HMGA2: variants seen among roughly 807,000 people sequenced by gnomAD.
The protein encoded by HMGA2 is high mobility group AT-hook 2.
In HMGA2, 8 loss-of-function variants were observed where a neutral mutation model predicts 19.1. The observed-to-expected ratio is 0.42, with a 90% CI of 0.25 to 0.76. The LOEUF (loss-of-function observed/expected upper bound fraction) is 0.76, where lower values mean the gene tolerates loss of function less well. Ranked by LOEUF, HMGA2 falls within the 30% of genes least tolerant of loss-of-function variation. HMGA2 has a pLI of 0.28. For synonymous variants in HMGA2, 60 were observed against 48.8 expected (o/e 1.23, Z -0.96); for missense variants, 109 against 136.3 (o/e 0.80, Z 1.00).
chr12:65,869,426 C>T (rs1010184817), intron 3 of HMGA2, among the ~76,000 whole-genome samples: 1 of 152,114 alleles, frequency 6.6e-6, no homozygotes, highest in Non-Finnish European at 1.5e-5. Flanking sequence ...GACACCATAG[C>T]CCATGCTCCC....
intron 3 of HMGA2, among the ~76,000 whole-genome samples, chr12:65,920,096 C>G (rs1037404713): frequency 6.6e-6 from 1 of 152,142 alleles, no homozygotes; most frequent in Non-Finnish European, 1.5e-5. Flanking sequence ...TTTGAGTTTA[C>G]ATAGTAACTC....
chr12:65,939,995 T>G (rs11175973), intron 3 of HMGA2, among the ~76,000 whole-genome samples: 3,457 of 152,282 alleles, frequency 0.023, 86 homozygotes, highest in East Asian at 0.089. Context: ...TACATGAGAT[T>G]GTAAAGTCCA....
At chr12:65,952,162 G>C (rs1228803942) in intron 4 of HMGA2, 1 of 540,406 alleles carries the variant, frequency 1.9e-6, no homozygotes, top group East Asian at 2.9e-5. Context: ...AGAACGTCCT[G>C]CTGTTCTCTT....
intron 3 of HMGA2, among the ~76,000 whole-genome samples, chr12:65,939,142 G>A (rs1048806176): frequency 2.6e-5 from 4 of 152,122 alleles, no homozygotes; most frequent in African/African-American, 9.7e-5. Flanking sequence ...AACATAGTAG[G>A]GACTGAGTGA....
chr12:65,856,436 A>T (rs572647998), intron 3 of HMGA2: 1 of 152,258 alleles, frequency 6.6e-6, no homozygotes, highest in Non-Finnish European at 1.5e-5. Flanking sequence ...GACAAGAGCC[A>T]GGTTTCCTGA....
At position 65,848,341 on chromosome 12, in the gene HMGA2, T is replaced by C. The variant is rs551020414; in HGVS notation, c.249+9772T>C. Among the ~76,000 whole-genome samples, 8 of 152,344 alleles carry C rather than the reference T, an allele frequency of 5.3e-5. No homozygotes were observed. In the South Asian group the frequency reaches 6.2e-4, roughly 12 times the overall value. Reference sequence around the variant, plus strand: ...AATGGCCTATTTGTGTCCCATTTTCTTTCTGTTAATTTTTAGTACTAACAT... The same window carrying C: ...AATGGCCTATTTGTGTCCCATTTTCCTTCTGTTAATTTTTAGTACTAACAT... On this transcript the variant is annotated intron_variant, in intron 3 of 4. Coordinates refer to ENST00000403681, the MANE Select transcript of HMGA2 (RefSeq NM_003483.6).
At chr12:65,905,329 T>G (rs1874545700) in intron 3 of HMGA2, among the ~76,000 whole-genome samples, 1 of 152,200 alleles carries the variant, frequency 6.6e-6, no homozygotes, top group South Asian at 2.1e-4. Flanking sequence ...ATATTGTCTA[T>G]TTCTCATGCT....
intron 4 of HMGA2, 60 bp from the exon 5 acceptor site, chr12:65,963,185 A>G: frequency 6.6e-7 from 1 of 1,522,336 alleles, no homozygotes; most frequent in Non-Finnish European, 9.1e-7. Context: ...CACTGTTGGC[A>G]AGAGCAGCCC....
chr12:65,948,297 T>C (rs547932786), intron 3 of HMGA2: 5 of 152,330 alleles, frequency 3.3e-5, no homozygotes, highest in African/African-American at 4.8e-5. Flanking sequence ...ATATGTATCA[T>C]TGATGTTATT....
intron 3 of HMGA2, among the ~76,000 whole-genome samples, chr12:65,931,743 G>A (rs1402356303): frequency 2.0e-5 from 3 of 152,100 alleles, no homozygotes; most frequent in Admixed American, 2.0e-4. Flanking sequence ...CACAGTCAAT[G>A]CAGGACTGAA....
intron 3 of HMGA2, among the ~76,000 whole-genome samples, chr12:65,907,442 A>C (rs533608614): frequency 6.6e-6 from 1 of 150,652 alleles, no homozygotes; most frequent in African/African-American, 2.4e-5. Flanking sequence ...GGTGGGGGGT[A>C]AAGTGCTCTG....
At chr12:65,842,297 A>C in intron 3 of HMGA2, 1 of 595,556 alleles carries the variant, frequency 1.7e-6, no homozygotes, top group South Asian at 1.5e-5. Context: ...GAGATAATGC[A>C]TGCAAAGGGC....
chr12:65,895,717 T>A (rs952322949), intron 3 of HMGA2, among the ~76,000 whole-genome samples: 3 of 152,294 alleles, frequency 2.0e-5, no homozygotes, highest in African/African-American at 7.2e-5. Flanking sequence ...TTAACTTACC[T>A]TCTTTGTCCT....
At chr12:65,881,683 G>A (rs1053223134) in intron 3 of HMGA2, 13 of 698,060 alleles carry the variant, frequency 1.9e-5, no homozygotes, top group Admixed American at 6.0e-5. Context: ...AATATGAGAG[G>A]AGGAGAGAAA....
chr12:65,846,991 A>G (rs1390712500), intron 3 of HMGA2, among the ~76,000 whole-genome samples: 1 of 152,166 alleles, frequency 6.6e-6, no homozygotes, highest in Non-Finnish European at 1.5e-5. Flanking sequence ...AGAAGTAATT[A>G]TATTGCTTTC....
In HMGA2 at chr12:65,842,650, G is replaced by A. The variant is rs188626108; in HGVS notation, c.249+4081G>A. 7,032 of 1,534,674 alleles carry A rather than the reference G, an allele frequency of 4.6e-3. 290 individuals carry two copies. In the African/African-American group the frequency reaches 0.086, roughly 19 times the overall value. On this transcript the variant is annotated intron_variant, in intron 3 of 4. Transcript: ENST00000403681. ...TCCAATAGCAGAGATTTGGTGTCATGTGGTGTTCATCAGTTTGAAAAGAAG... is the reference window on the plus strand; with the variant it reads ...TCCAATAGCAGAGATTTGGTGTCATATGGTGTTCATCAGTTTGAAAAGAAG...
At chr12:65,947,772 G>C (rs777562716) in intron 3 of HMGA2, among the ~76,000 whole-genome samples, 11 of 152,184 alleles carry the variant, frequency 7.2e-5, no homozygotes, top group Non-Finnish European at 1.3e-4. Context: ...ACCTTTAAGA[G>C]GGACTCAGCC....
intron 3 of HMGA2, among the ~76,000 whole-genome samples, chr12:65,901,700 T>TAC (rs1874379435): frequency 6.6e-6 from 1 of 152,208 alleles, no homozygotes; most frequent in South Asian, 2.1e-4. Flanking sequence ...TGAATATGTA[T>TAC]ATATGCACAC....
At chr12:65,908,059 C>T (rs1874679478) in intron 3 of HMGA2, among the ~76,000 whole-genome samples, 1 of 152,170 alleles carries the variant, frequency 6.6e-6, no homozygotes, top group African/African-American at 2.4e-5. Flanking sequence ...GGAAACCACA[C>T]ACTCTTTGTG....
Sources: allele counts gnomAD v4.1 joint callset (sites outside exome capture counted in the v4.1 genomes callset), GRCh38; gene constraint gnomAD v4.1.1; transcripts MANE v1.5; gene names NCBI Gene and HGNC (gene_info 2026-07-23, HGNC 2026-07-21).